The following KCNIP4 variants were observed in gnomAD, a reference collection of about 807,000 sequenced individuals.
KCNIP4 encodes Kv channel-interacting protein 4.
KCNIP4 carries 12 observed loss-of-function variants against 34.0 expected under a neutral mutation model. The ratio of observed to expected loss-of-function variants is 0.35; its 90% CI spans 0.23 to 0.57. The LOEUF is 0.57. Among genes scored for constraint, KCNIP4 ranks in the 20% least tolerant of loss-of-function variants. KCNIP4 has a pLI of 0.83. For missense variants in KCNIP4, 238 were observed against 311.7 expected, an observed-to-expected ratio of 0.76 and a Z score of 1.78; for synonymous variants, 124 against 102.2, an observed-to-expected ratio of 1.21 and a Z score of -1.29.
intron 2 of KCNIP4, among the ~76,000 whole-genome samples, chr4:20,861,669 A>G (rs1392697860): frequency 6.6e-6 from 1 of 152,176 alleles, no homozygotes; most frequent in East Asian, 1.9e-4. Flanking sequence ...TTTAGTTTGA[A>G]CATCTTCTGT....
intron 1 of KCNIP4, among the ~76,000 whole-genome samples, chr4:21,504,477 A>AAAGAG (rs1344033724): frequency 9.1e-6 from 1 of 110,122 alleles, no homozygotes; most frequent in Non-Finnish European, 1.8e-5. Flanking sequence ...AAAAAAAAAA[A>AAAGAG]AGAAAGAAAG....
intron 1 of KCNIP4, among the ~76,000 whole-genome samples, chr4:21,774,773 T>C (rs1719059730): frequency 2.0e-5 from 3 of 152,194 alleles, no homozygotes; most frequent in Admixed American, 2.0e-4. Flanking sequence ...GAAGTTTTCA[T>C]GCTGTGTTTT....
intron 1 of KCNIP4, among the ~76,000 whole-genome samples, chr4:20,893,464 C>T (rs1199311314): frequency 6.6e-6 from 1 of 152,112 alleles, no homozygotes; most frequent in Non-Finnish European, 1.5e-5. Flanking sequence ...ACTCTTTCGC[C>T]CAGGCTGGAG....
At chr4:20,938,934 AT>A (rs1296335359) in intron 1 of KCNIP4, among the ~76,000 whole-genome samples, 1 of 152,122 alleles carries the variant, frequency 6.6e-6, no homozygotes, top group Non-Finnish European at 1.5e-5. Context: ...TCTATTTCTC[AT>A]TTCTCATTCA....
intron 6 of KCNIP4, 125 bp downstream of exon 6, chr4:20,734,503 C>T: frequency 4.0e-6 from 2 of 500,556 alleles, no homozygotes; most frequent in South Asian, 3.7e-5. Context: ...ATCTTTCTTC[C>T]ACTACATAAA....
chr4:20,856,716 T>C (rs879806808), intron 2 of KCNIP4, among the ~76,000 whole-genome samples: 1 of 152,216 alleles, frequency 6.6e-6, no homozygotes, highest in Non-Finnish European at 1.5e-5. Flanking sequence ...ATTTGTGGGC[T>C]GTTGGTGGAC....
chr4:21,102,985 C>T (rs1220601007), intron 1 of KCNIP4, among the ~76,000 whole-genome samples: 2 of 152,044 alleles, frequency 1.3e-5, no homozygotes, highest in Non-Finnish European at 2.9e-5. Flanking sequence ...TAGTTCATTT[C>T]CCCTCTTATT....
chr4:21,060,242 A>T (rs1369610373), intron 1 of KCNIP4, among the ~76,000 whole-genome samples: 1 of 152,154 alleles, frequency 6.6e-6, no homozygotes, highest in Non-Finnish European at 1.5e-5. Context: ...TGCCCACAAA[A>T]TTGAGCTGAT....
chr4:21,895,059 T>C (rs1439844663), intron 1 of KCNIP4, among the ~76,000 whole-genome samples: 1 of 152,218 alleles, frequency 6.6e-6, no homozygotes, highest in African/African-American at 2.4e-5. Flanking sequence ...CCATCCATAG[T>C]GGGACTGCTG....
chr4:21,925,058 G>T (rs1347866127), intron 1 of KCNIP4, among the ~76,000 whole-genome samples: 1 of 151,950 alleles, frequency 6.6e-6, no homozygotes, highest in East Asian at 1.9e-4. Flanking sequence ...ACTCTTAGAA[G>T]ATGTCATTTC....
At chr4:20,963,592 A>G (rs550848907) in intron 1 of KCNIP4, among the ~76,000 whole-genome samples, 1 of 152,294 alleles carries the variant, frequency 6.6e-6, no homozygotes, top group Non-Finnish European at 1.5e-5. Context: ...TCTCACATTC[A>G]AGAAGCTTTT....
chr4:21,635,731 C>T (rs1353168872), intron 1 of KCNIP4, among the ~76,000 whole-genome samples: 9 of 152,236 alleles, frequency 5.9e-5, no homozygotes, highest in African/African-American at 1.7e-4. Context: ...GTCAGTGTGG[C>T]GATTCCTCAG....
intron 1 of KCNIP4, chr4:21,304,462 T>TG (rs1242453400): frequency 6.6e-6 from 1 of 152,432 alleles, no homozygotes; most frequent in African/African-American, 2.4e-5. Flanking sequence ...GCCGGCCAGT[T>TG]GCCTTGGAAA....
At chr4:21,446,010 GAC>G (rs1363629488) in intron 1 of KCNIP4, among the ~76,000 whole-genome samples, 1 of 152,120 alleles carries the variant, frequency 6.6e-6, no homozygotes, top group Non-Finnish European at 1.5e-5. Flanking sequence ...GCAGCCAACA[GAC>G]ACAGGAAAAA....
chr4:21,085,997 G>A (rs1017317818), intron 1 of KCNIP4, among the ~76,000 whole-genome samples: 4 of 152,170 alleles, frequency 2.6e-5, no homozygotes, highest in African/African-American at 9.7e-5. Context: ...AGAAAGATAA[G>A]TAATCGTCCA....
chr4:21,866,657 C>T (rs553608410), intron 1 of KCNIP4, among the ~76,000 whole-genome samples: 1 of 151,710 alleles, frequency 6.6e-6, no homozygotes, highest in African/African-American at 2.4e-5. Flanking sequence ...CAACAAAGTA[C>T]TTGGTCCATA....
At chr4:21,374,562 A>G (rs1410958425) in intron 1 of KCNIP4, among the ~76,000 whole-genome samples, 1 of 147,456 alleles carries the variant, frequency 6.8e-6, no homozygotes, top group Admixed American at 6.6e-5. Context: ...AGTGAGCTTC[A>G]TTACAAGTTT....
At chr4:21,347,179 T>A (rs1415151385) in intron 1 of KCNIP4, among the ~76,000 whole-genome samples, 1 of 152,182 alleles carries the variant, frequency 6.6e-6, no homozygotes, top group Non-Finnish European at 1.5e-5. Flanking sequence ...GCCTTGGTAA[T>A]GTTAATGCTT....
intron 1 of KCNIP4, among the ~76,000 whole-genome samples, chr4:21,580,309 C>T (rs917215081): frequency 2.6e-5 from 4 of 151,988 alleles, no homozygotes; most frequent in Non-Finnish European, 5.9e-5. Context: ...ATAAAGACAC[C>T]TCATCTGGGA....
Sources: gnomAD v4.1 joint callset for allele counts (sites outside exome capture counted in the v4.1 genomes callset) on GRCh38, gnomAD v4.1.1 for gene constraint, MANE v1.5 for transcripts, NCBI Gene and HGNC (gene_info 2026-07-23, HGNC 2026-07-21) for gene names.